The following TMTC4 variants were observed in gnomAD, a reference collection of about 807,000 sequenced individuals.
TMTC4 encodes the protein transmembrane O-mannosyltransferase targeting cadherins 4, also known as protein O-mannosyl-transferase TMTC4.
A neutral mutation model predicts 86.0 loss-of-function variants in TMTC4; 65 were observed. That is an observed-to-expected ratio of 0.76 (90% confidence interval 0.62 to 0.93). The LOEUF is 0.93. Ranked by LOEUF, TMTC4 falls within the 40% of genes least tolerant of loss-of-function variation. The pLI is 0.00. For missense variants in TMTC4, 866 were observed against 948.1 expected (o/e 0.91, Z 1.14); for synonymous variants, 379 against 382.5 (o/e 0.99, Z 0.11).
Position 100,663,041 on chromosome 13 carries a change from G to A in TMTC4, c.475C>T (p.Arg159Trp), listed in dbSNP as rs749643909. 8.1e-6 allele frequency: 13 copies of A among 1,614,058 alleles called. No homozygotes were observed. Among genetic ancestry groups the A allele is most frequent in the East Asian group, 6.7e-5 (3 of 44,896 alleles). ...FGGLQYTSKG[R>W]RLHLAPRASL... Reference sequence around the variant, plus strand: ...GCCCTGGGGGCGAGGTGCAGCCTCCGGCCTTTACTGGTGTACTGCAGGCCG... The same window carrying A: ...GCCCTGGGGGCGAGGTGCAGCCTCCAGCCTTTACTGGTGTACTGCAGGCCG... The change falls in exon 5 of 19, where the codon CGG (arginine) becomes TGG (tryptophan). Residue 159 changes from arginine (R) to tryptophan (W), a missense_variant. Coordinates refer to ENST00000342624, the MANE Select transcript of TMTC4 (RefSeq NM_032813.5).
intron 7 of TMTC4, among the ~76,000 whole-genome samples, chr13:100,639,522 C>T (rs965974371): frequency 1.3e-5 from 2 of 152,144 alleles, no homozygotes; most frequent in Non-Finnish European, 2.9e-5. Context: ...CACAAGACTG[C>T]CCCCTTCCTT....
rs578108391 is a variant in TMTC4, at chr13:100,664,683, T to C, written c.220-347A>G. 2.8e-4 allele frequency among the ~76,000 whole-genome samples: 43 copies of C among 152,248 alleles called. 2 individuals are homozygous for C. The South Asian group carries it at 8.5e-3, about 30-fold the overall frequency. ...ACCCCTGGACAGTCACCCTCAACTC[T>C]TCATGGCTCAACTCCTTCCGCCATT... On this transcript the variant is annotated intron_variant, in intron 3 of 18. Coordinates refer to ENST00000342624, the MANE Select transcript of TMTC4 (RefSeq NM_032813.5).
At chr13:100,615,855 G>T (rs1434679571) in intron 15 of TMTC4, among the ~76,000 whole-genome samples, 1 of 152,180 alleles carries the variant, frequency 6.6e-6, no homozygotes, top group Non-Finnish European at 1.5e-5. Flanking sequence ...TGTCATCCAG[G>T]TAGTGAGCAC....
At position 100,625,932 on chromosome 13, in the gene TMTC4, C is replaced by G. The variant is rs117756967; in HGVS notation, c.1587-40G>C. 821 of 1,601,518 alleles carry G rather than the reference C, an allele frequency of 5.1e-4. 9 individuals carry two copies. The East Asian group carries it at 0.016, about 31-fold the overall frequency. On this transcript the variant is annotated intron_variant, in intron 13 of 18. Transcript: ENST00000342624. The stretch of plus-strand genomic sequence containing the variant: ...AAAACCAAGCTGACCATTAAATGCT[C>G]AATAGTAAGTTTTTACTAAACTCTC...
chr13:100,632,053 A>ACACACACACACACACACACACACT (rs1296569630), intron 12 of TMTC4, among the ~76,000 whole-genome samples: 4 of 43,110 alleles, frequency 9.3e-5, no homozygotes, highest in African/African-American at 3.4e-4. Flanking sequence ...ACACACACAC[A>ACACACACACACACACACACACACT]CTCTCTCTCT....
chr13:100,611,512 G>A (rs547553911), intron 17 of TMTC4, among the ~76,000 whole-genome samples: 3 of 152,312 alleles, frequency 2.0e-5, no homozygotes, highest in African/African-American at 4.8e-5. Flanking sequence ...GTGAACCCGG[G>A]AGGCGGAGCT....
In TMTC4 at chr13:100,634,945, C is replaced by T; in HGVS notation, c.1375-9G>A. 1 of 1,613,404 alleles carries T rather than the reference C, an allele frequency of 6.2e-7. No homozygotes were observed. The highest frequency in any genetic ancestry group is 1.3e-5 in the African/African-American group (1 of 75,044). On this transcript the variant is annotated splice_polypyrimidine_tract_variant and intron_variant, in intron 11 of 18. Transcript: ENST00000342624. ...ACAGCGGCAATGAGTTTCTTAAGAA[C>T]AGAAAGACATGGTAATTGTCACCAG...
rs776466527 is a variant in TMTC4, at chr13:100,625,651, T to C, written c.1720A>G (p.Asn574Asp). Residue 574 changes from asparagine (N) to aspartate (D), a missense_variant, in exon 15 of 19, where the codon AAT (asparagine) becomes GAT (aspartate). Physicochemically the swap from Asn to Asp is conservative, Grantham distance 23. Coordinates refer to ENST00000342624, the MANE Select transcript of TMTC4 (RefSeq NM_032813.5). ...IQPDFAAAWMNLGIVQNSLKR... is the reference protein window; with the variant it reads ...IQPDFAAAWMDLGIVQNSLKR... ...AGGCTATTCTGCACTATGCCTAGAT[T>C]CATCCACGCAGCGGCAAAGTCTGGC... 114 of 1,614,040 alleles carry C rather than the reference T, an allele frequency of 7.1e-5. No individual in the cohort carries two copies. Among genetic ancestry groups the C allele is most frequent in the Non-Finnish European group, 9.2e-5 (109 of 1,180,010 alleles).
chr13:100,623,865 A>T (rs1879985248), intron 15 of TMTC4: 1 of 486,226 alleles, frequency 2.1e-6, no homozygotes, highest in South Asian at 1.5e-5. Context: ...TTTCCTCTTC[A>T]CAGATGCACC....
chr13:100,632,114 G>A (rs1881537509), intron 12 of TMTC4, among the ~76,000 whole-genome samples: 4 of 142,800 alleles, frequency 2.8e-5, no homozygotes, highest in South Asian at 2.2e-4. Context: ...TAATACTTAC[G>A]TGCATTCCCA....
intron 15 of TMTC4, chr13:100,614,863 A>C: frequency 1.1e-6 from 1 of 945,874 alleles, no homozygotes; most frequent in Non-Finnish European, 1.3e-6. Flanking sequence ...TTCATTGTTG[A>C]TAAAGTATTA....
intron 15 of TMTC4, among the ~76,000 whole-genome samples, chr13:100,615,180 C>T (rs184873436): frequency 2.0e-4 from 30 of 152,188 alleles, no homozygotes; most frequent in African/African-American, 4.3e-4. Flanking sequence ...CACTGTTGCC[C>T]GGGCTGGAGT....
At chr13:100,620,595 AGAAT>A (rs1879320301) in intron 15 of TMTC4, among the ~76,000 whole-genome samples, 1 of 152,202 alleles carries the variant, frequency 6.6e-6, no homozygotes, top group Non-Finnish European at 1.5e-5. Flanking sequence ...TAAAACACTT[AGAAT>A]GGTTTCTGTT....
intron 17 of TMTC4, 28 bp downstream of exon 17, chr13:100,612,370 A>G (rs1349793555): frequency 7.8e-6 from 12 of 1,538,096 alleles, no homozygotes; most frequent in Non-Finnish European, 9.8e-6. Context: ...CACTAACTGC[A>G]AGAACTCACA....
chr13:100,656,403 G>A lies in TMTC4; in HGVS notation c.618C>T (p.Gly206=), dbSNP rs759819566. The change falls in exon 6 of 19, where the codon GGC becomes GGT. Residue 206 remains glycine, a synonymous_variant. Transcript: ENST00000342624. ...TACTTTCTCTAAATGCTTTACAGTAGCCAAGGAAAGATAACAAGAAGAACA... is the reference window on the plus strand; with the variant it reads ...TACTTTCTCTAAATGCTTTACAGTAACCAAGGAAAGATAACAAGAAGAACA... ...CALFFLLSFL[G]YCKAFRESNK... 1.2e-6 allele frequency: 2 copies of A among 1,613,276 alleles called. No individual in the cohort carries two copies. The highest frequency in any genetic ancestry group is 4.5e-5 in the East Asian group (2 of 44,866).
intron 6 of TMTC4, among the ~76,000 whole-genome samples, chr13:100,655,016 A>ATTTTTTTTTTTT: frequency 8.4e-6 from 1 of 118,658 alleles, no homozygotes. Context: ...CACAACGCCT[A>ATTTTTTTTTTTT]TTTTTTTTTT....
intron 6 of TMTC4, among the ~76,000 whole-genome samples, chr13:100,648,357 T>G (rs966712093): frequency 5.9e-5 from 9 of 152,244 alleles, no homozygotes; most frequent in Non-Finnish European, 1.2e-4. Context: ...ATTTTCATAT[T>G]TTTATATTGA....
intron 1 of TMTC4, 81 bp downstream of exon 1, chr13:100,674,663 G>C (rs889587295): frequency 1.0e-6 from 1 of 982,754 alleles, no homozygotes; most frequent in African/African-American, 1.8e-5. Flanking sequence ...CGGCGGCAGC[G>C]GGGAACCCGC....
rs1431123455 is a variant in TMTC4, at chr13:100,627,542, G to A, written c.1507-1392C>T. On this transcript the variant is annotated intron_variant, in intron 12 of 18. Coordinates refer to ENST00000342624, the MANE Select transcript of TMTC4 (RefSeq NM_032813.5). ...CTCCCACCTCTGCCTCTGTCTTCATGACCATCTCACCTCTTGTCTGTCTCC... is the reference window on the plus strand; with the variant it reads ...CTCCCACCTCTGCCTCTGTCTTCATAACCATCTCACCTCTTGTCTGTCTCC... Among the ~76,000 whole-genome samples the A allele has an allele frequency of 2.0e-5, 3 of 152,008 alleles. No homozygotes were observed. In the East Asian group the frequency reaches 5.8e-4, roughly 29 times the overall value.
Sources: allele counts gnomAD v4.1 joint callset (sites outside exome capture counted in the v4.1 genomes callset), GRCh38; gene constraint gnomAD v4.1.1; transcripts MANE v1.5; gene names NCBI Gene and HGNC (gene_info 2026-07-23, HGNC 2026-07-21).